The following CSAD variants were observed in gnomAD, a reference collection of about 807,000 sequenced individuals.
The protein encoded by CSAD is cysteine sulfinic acid decarboxylase.
In CSAD, 47 loss-of-function variants were observed where a neutral mutation model predicts 61.5. The ratio of observed to expected loss-of-function variants is 0.76; its 90% CI spans 0.60 to 0.97. The LOEUF (loss-of-function observed/expected upper bound fraction) is 0.97, where lower values mean the gene tolerates loss of function less well. Ranked by LOEUF, CSAD falls within the 50% of genes least tolerant of loss-of-function variation. The pLI, the probability that CSAD is intolerant of heterozygous loss-of-function variation, is 0.00. For synonymous variants in CSAD, 245 were observed against 252.7 expected, an observed-to-expected ratio of 0.97 and a Z score of 0.29; for missense variants, 611 against 643.6, an observed-to-expected ratio of 0.95 and a Z score of 0.55.
chr12:53,171,613 C>T (rs1011603407), intron 7 of CSAD, 172 bp from the exon 8 acceptor site: 6 of 675,286 alleles, frequency 8.9e-6, no homozygotes, highest in Non-Finnish European at 1.5e-5. Context: ...TCAGCAGATC[C>T]TCTTGACCAC....
chr12:53,179,556 C>T (rs1941392785), intron 1 of CSAD: 1 of 508,426 alleles, frequency 2.0e-6, no homozygotes. Context: ...GGTGATGTTT[C>T]TTTATCTCTC....
chr12:53,179,658 G>T, intron 1 of CSAD: 1 of 883,802 alleles, frequency 1.1e-6, no homozygotes, highest in Non-Finnish European at 1.8e-6. Context: ...TCAGGGAAAT[G>T]AAATCTGTCT....
chr12:53,171,245 GAGA>G, intron 8 of CSAD, 78 bp downstream of exon 8: 1 of 1,600,828 alleles, frequency 6.2e-7, no homozygotes, highest in Non-Finnish European at 8.5e-7. Flanking sequence ...GGAGGGCAGG[GAGA>G]AGACCTGGAA....
intron 16 of CSAD, 97 bp downstream of exon 16, chr12:53,159,526 A>G (rs1938994798): frequency 1.0e-6 from 1 of 978,626 alleles, no homozygotes; most frequent in Non-Finnish European, 1.6e-6. Flanking sequence ...GAGACCAGCA[A>G]GGAGACCTGC....
intron 11 of CSAD, 31 bp from the exon 12 acceptor site, chr12:53,161,222 G>A (rs746401195): frequency 1.2e-6 from 2 of 1,613,854 alleles, no homozygotes; most frequent in African/African-American, 2.7e-5. Context: ...CGTGGGCCTT[G>A]GCCTTGGCTC....
chr12:53,180,683 G>A (rs1268543135), intron 1 of CSAD, 49 bp downstream of exon 1: 3 of 1,275,396 alleles, frequency 2.4e-6, no homozygotes, highest in African/African-American at 3.1e-5. Context: ...GAGGGGGAGG[G>A]GGAAGTGCTT....
At chr12:53,171,626 C>T (rs1230143515) in intron 7 of CSAD, 185 bp from the exon 8 acceptor site, 1 of 647,294 alleles carries the variant, frequency 1.5e-6, no homozygotes, top group Non-Finnish European at 2.6e-6. Context: ...TTGACCACAC[C>T]TCTCCACATC....
At position 53,180,786 on chromosome 12, in the gene CSAD, C is replaced by A; in HGVS notation, c.-145G>T. On this transcript the variant is annotated 5_prime_UTR_variant, in exon 1 of 17. In the 5' UTR this introduces an upstream ATG that the reference lacks. Transcript: ENST00000444623. ...TGGGGTTGGCAGGGTGTGCTGGGGC[C>A]TGGAGGAGGCGCCGCGCGGCCAGGG... 7.9e-7 allele frequency: 1 copy of A among 1,273,062 alleles called. No homozygotes were observed. 78.9% of individuals were successfully genotyped at this position (1,273,062 alleles called of 1,614,324 possible).
chr12:53,171,819 G>T, intron 7 of CSAD, 63 bp downstream of exon 7: 1 of 1,089,228 alleles, frequency 9.2e-7, no homozygotes, highest in Non-Finnish European at 1.4e-6. Context: ...TAGAGCAAGA[G>T]AACGGTGGGG....
At chr12:53,173,820 C>A (rs768457940) in intron 2 of CSAD, 50 bp from the exon 3 acceptor site, 2 of 1,587,488 alleles carry the variant, frequency 1.3e-6, no homozygotes, top group Non-Finnish European at 1.7e-6. Flanking sequence ...GAAAAGTGTA[C>A]AATTAAGTGT....
chr12:53,159,818 T>C, intron 15 of CSAD, 69 bp downstream of exon 15: 1 of 1,538,948 alleles, frequency 6.5e-7, no homozygotes, highest in Middle Eastern at 1.7e-4. Flanking sequence ...ACTAGGGCTT[T>C]AGTTGGGGCT....
Position 53,158,596 on chromosome 12 carries a change from C to T in CSAD, c.1397G>A (p.Arg466His), listed in dbSNP as rs141240527. 2.2e-5 allele frequency: 36 copies of T among 1,614,196 alleles called. No homozygotes were observed. The highest frequency in any genetic ancestry group is 6.7e-5 in the East Asian group (3 of 44,882). ...QPHGTRGNFF[R>H]VVVANSALTC... ...CAGTGCAGAGTTGGCCACAACCACA[C>T]GGAAGAAGTTGCCCCGGGTCCCGTG... Residue 466 changes from arginine (R) to histidine (H), a missense_variant, in exon 17 of 17, where the codon CGT (arginine) becomes CAT (histidine). Physicochemically the swap from Arg to His is conservative, Grantham distance 29 (BLOSUM62 0). Transcript: ENST00000444623.
chr12:53,172,270 C>T, intron 6 of CSAD, 76 bp downstream of exon 6: 2 of 1,315,310 alleles, frequency 1.5e-6, no homozygotes, highest in African/African-American at 1.4e-5. Context: ...AACCATTCTC[C>T]TCCCCTACCC....
chr12:53,180,739 C>A lies in CSAD; in HGVS notation c.-98G>T. On this transcript the variant is annotated 5_prime_UTR_variant, in exon 1 of 17. Transcript: ENST00000444623. Reference sequence around the variant, plus strand: ...TGGTGTTTGTAAACTTGCCTCGGTCCCGGTGGGGGCAGCCGCGGCGGTGGG... The same window carrying A: ...TGGTGTTTGTAAACTTGCCTCGGTCACGGTGGGGGCAGCCGCGGCGGTGGG... The A allele has an allele frequency of 7.9e-7, 1 of 1,263,938 alleles. No individual in the cohort carries two copies. 78.3% of individuals were successfully genotyped at this position (1,263,938 alleles called of 1,614,324 possible).
At chr12:53,179,769 T>C in intron 1 of CSAD, 1 of 1,608,070 alleles carries the variant, frequency 6.2e-7, no homozygotes, top group Non-Finnish European at 8.5e-7. Flanking sequence ...CGACATAATA[T>C]CACCTACAGC....
chr12:53,176,718 C>CA lies in CSAD; in HGVS notation c.-50+2383dup, dbSNP rs879868299. On this transcript the variant is annotated intron_variant, in intron 2 of 16. Transcript: ENST00000444623. The stretch of plus-strand genomic sequence containing the variant: ...TGGGTGACAGAGCGAGACTCCATCT[C>CA]AAAAAAAAAAAAAATATTTATTTAT... Among the ~76,000 whole-genome samples, 918 of 130,496 alleles carry CA rather than the reference C, an allele frequency of 7.0e-3. 3 individuals carry two copies. The highest frequency in any genetic ancestry group is 0.02 in the Middle Eastern group (5 of 250). The allele number at this position is 130,496 out of a possible 152,430, so 85.6% of individuals were successfully genotyped here. A position where few individuals can be genotyped will look rare whatever the true frequency, so the allele number is the denominator to read the frequency against.
intron 10 of CSAD, among the ~76,000 whole-genome samples, chr12:53,169,623 T>C (rs1041926882): frequency 1.3e-5 from 2 of 152,134 alleles, no homozygotes; most frequent in African/African-American, 4.8e-5. Context: ...TAAAATTGTA[T>C]AGATGGTGCC....
rs1382790304 is a variant in CSAD, at chr12:53,171,318, T to C, written c.567+8A>G. ...GAGCCCAGGGTTGGGCCTGTGCCTC[T>C]TCCCCACCTCCTTCGATGTGAATAG... On this transcript the variant is annotated splice_region_variant and intron_variant, in intron 8 of 16. Coordinates refer to ENST00000444623, the MANE Select transcript of CSAD (RefSeq NM_001244705.2). 3.7e-6 allele frequency: 6 copies of C among 1,614,014 alleles called. No homozygotes were observed. Among genetic ancestry groups the C allele is most frequent in the South Asian group, 1.1e-5 (1 of 91,082 alleles).
At position 53,170,059 on chromosome 12, in the gene CSAD, C is replaced by T; in HGVS notation, c.702+13G>A. 1 of 1,613,058 alleles carries T rather than the reference C, an allele frequency of 6.2e-7. No individual in the cohort carries two copies. Among genetic ancestry groups the T allele is most frequent in the Non-Finnish European group, 8.5e-7 (1 of 1,179,038 alleles). On this transcript the variant is annotated intron_variant, in intron 10 of 16. Transcript: ENST00000444623. Reference sequence around the variant, plus strand: ...TGGAGGCTATATCACCCCAGCGAGCCTCACTGACTCACCTCAGCCTCGGCC... The same window carrying T: ...TGGAGGCTATATCACCCCAGCGAGCTTCACTGACTCACCTCAGCCTCGGCC...
Sources: gnomAD v4.1 joint callset for allele counts (sites outside exome capture counted in the v4.1 genomes callset) on GRCh38, gnomAD v4.1.1 for gene constraint, MANE v1.5 for transcripts, NCBI Gene and HGNC (gene_info 2026-07-23, HGNC 2026-07-21) for gene names.